ASIC2: variants seen among roughly 807,000 people sequenced by gnomAD.
ASIC2 encodes acid-sensing ion channel 2.
ASIC2 carries 25 observed loss-of-function variants against 57.3 expected under a neutral mutation model. The ratio of observed to expected loss-of-function variants is 0.44; its 90% CI spans 0.32 to 0.61. The LOEUF is 0.61. Among genes scored for constraint, ASIC2 ranks in the 20% least tolerant of loss-of-function variants. ASIC2 has a pLI of 0.06. For missense variants in ASIC2, 641 were observed against 738.1 expected, an observed-to-expected ratio of 0.87 and a Z score of 1.52; for synonymous variants, 319 against 307.5, an observed-to-expected ratio of 1.04 and a Z score of -0.39.
chr17:33,723,204 A>G (rs1374742471), intron 1 of ASIC2, among the ~76,000 whole-genome samples: 2 of 152,236 alleles, frequency 1.3e-5, no homozygotes, highest in Non-Finnish European at 2.9e-5. Flanking sequence ...CAGCAATAGA[A>G]AAGAACAAAG....
intron 1 of ASIC2, among the ~76,000 whole-genome samples, chr17:34,027,404 GT>G (rs1341788536): frequency 1.3e-5 from 2 of 152,074 alleles, no homozygotes; most frequent in Admixed American, 6.5e-5. Flanking sequence ...GTCATCACGG[GT>G]CAGACTTGTG....
intron 1 of ASIC2, among the ~76,000 whole-genome samples, chr17:33,880,696 C>T (rs1477733038): frequency 6.6e-6 from 1 of 152,216 alleles, no homozygotes; most frequent in Non-Finnish European, 1.5e-5. Context: ...GAGCTGGTAC[C>T]ATTCCTTCTG....
chr17:33,111,846 C>T (rs1300182109), intron 2 of ASIC2, 71 bp downstream of exon 2: 4 of 1,540,042 alleles, frequency 2.6e-6, no homozygotes, highest in African/African-American at 2.7e-5. Flanking sequence ...CAAGACAGCT[C>T]ACCAGCCTTT....
chr17:33,844,026 A>G (rs1163000922), intron 1 of ASIC2, among the ~76,000 whole-genome samples: 1 of 152,148 alleles, frequency 6.6e-6, no homozygotes. Flanking sequence ...TCAGGCATAA[A>G]TTTATCTTTT....
intron 1 of ASIC2, among the ~76,000 whole-genome samples, chr17:33,270,920 C>T (rs996411471): frequency 3.3e-5 from 5 of 152,250 alleles, no homozygotes; most frequent in Admixed American, 6.5e-5. Context: ...AATAATGCTA[C>T]GCAGAGGAGG....
intron 1 of ASIC2, among the ~76,000 whole-genome samples, chr17:34,151,189 GTAACTA>G (rs1904513419): frequency 6.6e-6 from 1 of 151,816 alleles, no homozygotes; most frequent in South Asian, 2.1e-4. Context: ...GGAACAGCAA[GTAACTA>G]TTCAATTAGC....
chr17:33,388,733 G>T (rs576401527), intron 1 of ASIC2, among the ~76,000 whole-genome samples: 78 of 152,274 alleles, frequency 5.1e-4, no homozygotes, highest in Non-Finnish European at 9.6e-4. Context: ...TACAACCTAG[G>T]CTCTGCTGTG....
At chr17:33,041,217 A>G (rs1199715202) in intron 3 of ASIC2, among the ~76,000 whole-genome samples, 1 of 152,144 alleles carries the variant, frequency 6.6e-6, no homozygotes, top group Non-Finnish European at 1.5e-5. Flanking sequence ...CTTATCTGTA[A>G]AACAGAGATA....
In ASIC2 at chr17:34,156,378, G is replaced by A. The variant is rs1904722490; in HGVS notation, c.155C>T (p.Ser52Phe). The change falls in exon 1 of 10, where the codon TCT (serine) becomes TTT (phenylalanine). Residue 52 changes from serine (S) to phenylalanine (F), a missense_variant. Physicochemically the swap from Ser to Phe is radical, Grantham distance 155. Coordinates refer to the ASIC2 transcript ENST00000359872. This position sits in a 1 kb window ranked among gnomAD's most constrained non-coding sequence, Gnocchi z 4.4. Reference sequence around the variant, plus strand: ...GCTCTCCACCAGCAGCAGGCCCAGAGAGCCCACGAAGGCCACTGCCCACAG... The same window carrying A: ...GCTCTCCACCAGCAGCAGGCCCAGAAAGCCCACGAAGGCCACTGCCCACAG... 11 of 1,614,210 alleles carry A rather than the reference G, an allele frequency of 6.8e-6. No individual in the cohort carries two copies. Among genetic ancestry groups the A allele is most frequent in the Non-Finnish European group, 9.3e-6 (11 of 1,180,052 alleles).
chr17:33,018,151 TA>T (rs1266805124), intron 7 of ASIC2, among the ~76,000 whole-genome samples: 5 of 152,206 alleles, frequency 3.3e-5, no homozygotes, highest in African/African-American at 1.2e-4. Context: ...ACCCTTGGGA[TA>T]AGGCCATAGG....
intron 3 of ASIC2, among the ~76,000 whole-genome samples, chr17:33,055,768 T>G (rs1341892445): frequency 1.3e-5 from 2 of 152,202 alleles, no homozygotes; most frequent in Non-Finnish European, 2.9e-5. Flanking sequence ...CTTTCTGCCC[T>G]TGGCCTCTCT....
chr17:33,995,559 A>C (rs143507412), intron 1 of ASIC2, among the ~76,000 whole-genome samples: 1 of 152,214 alleles, frequency 6.6e-6, no homozygotes, highest in East Asian at 1.9e-4. Flanking sequence ...GATGAAGAAA[A>C]ATTGTATATA....
intron 1 of ASIC2, among the ~76,000 whole-genome samples, chr17:33,449,236 A>G (rs913377404): frequency 1.2e-4 from 19 of 152,218 alleles, no homozygotes; most frequent in African/African-American, 4.3e-4. Context: ...TGGCTTCCTG[A>G]GCTTGGTCTC....
At chr17:33,688,031 A>G (rs551988388) in intron 1 of ASIC2, among the ~76,000 whole-genome samples, 3 of 152,258 alleles carry the variant, frequency 2.0e-5, no homozygotes, top group African/African-American at 4.8e-5. Flanking sequence ...CTTCCTCTCA[A>G]TTTGGGCTCA....
chr17:33,367,052 T>C lies in ASIC2; in HGVS notation c.556-254985A>G, dbSNP rs184321760. The stretch of plus-strand genomic sequence containing the variant: ...CTAGAATTCAGCCAGACAAAGGGTG[T>C]GTACCAGGCCCTGCTGAATTAGCAT... On this transcript the variant is annotated intron_variant, in intron 1 of 9. Coordinates refer to the ASIC2 transcript ENST00000359872. Among the ~76,000 whole-genome samples the C allele has an allele frequency of 6.1e-3, 923 of 152,370 alleles. 5 individuals carry two copies. The highest frequency in any genetic ancestry group is 0.039 in the South Asian group (190 of 4,830).
chr17:33,829,281 A>T (rs8072690), intron 1 of ASIC2, among the ~76,000 whole-genome samples: 1 of 152,116 alleles, frequency 6.6e-6, no homozygotes, highest in Non-Finnish European at 1.5e-5. Flanking sequence ...ACATAGAAAC[A>T]GAGTGCATTG....
intron 1 of ASIC2, among the ~76,000 whole-genome samples, chr17:33,528,461 A>G (rs541866270): frequency 1.3e-5 from 2 of 152,250 alleles, no homozygotes; most frequent in East Asian, 3.9e-4. Flanking sequence ...AATGAAAAAA[A>G]TTTTCGACAT....
chr17:34,050,396 G>T (rs952631450), intron 1 of ASIC2, among the ~76,000 whole-genome samples: 11 of 152,100 alleles, frequency 7.2e-5, no homozygotes, highest in African/African-American at 2.7e-4. Flanking sequence ...TGCTTCTCTG[G>T]GGGGTGGGGA....
At chr17:33,706,204 C>CAT (rs3030213) in intron 1 of ASIC2, among the ~76,000 whole-genome samples, 9,190 of 140,582 alleles carry the variant, frequency 0.065, 354 homozygotes, top group East Asian at 0.12. Context: ...ATATATGATT[C>CAT]ATATATATAT....
Sources: allele counts gnomAD v4.1 joint callset (sites outside exome capture counted in the v4.1 genomes callset), GRCh38; gene constraint gnomAD v4.1.1; non-coding constraint Gnocchi (gnomAD v3.1); transcripts MANE v1.5; gene names NCBI Gene and HGNC (gene_info 2026-07-23, HGNC 2026-07-21).